The following BACH2 variants were observed in gnomAD, a reference collection of about 807,000 sequenced individuals.
The protein encoded by BACH2 is BACH transcriptional regulator 2, also known as transcription regulator protein BACH2.
BACH2 carries 5 observed loss-of-function variants against 61.8 expected under a neutral mutation model. That is an observed-to-expected ratio of 0.08 (90% CI 0.04 to 0.17). BACH2 has a LOEUF of 0.17. Ranked by LOEUF, BACH2 falls within the 10% of genes least tolerant of loss-of-function variation. The probability of loss-of-function intolerance (pLI) is 1.00; values close to 1 mark genes in which losing one functional copy is unlikely to be tolerated. For synonymous variants in BACH2, 446 were observed against 440.1 expected (o/e 1.01, Z -0.17); for missense variants, 824 against 1,091.1 (o/e 0.76, Z 3.45).
At chr6:90,172,714 T>C (rs554572143) in intron 4 of BACH2, among the ~76,000 whole-genome samples, 1 of 152,272 alleles carries the variant, frequency 6.6e-6, no homozygotes, top group South Asian at 2.1e-4. Context: ...TAAGAAAGTT[T>C]ACTTCCAAAA....
At chr6:90,120,183 T>C (rs1292199387) in intron 4 of BACH2, among the ~76,000 whole-genome samples, 1 of 152,072 alleles carries the variant, frequency 6.6e-6, no homozygotes, top group Non-Finnish European at 1.5e-5. Flanking sequence ...ACCCTAAAAA[T>C]GGGGAGAGGA....
At chr6:90,263,893 T>A (rs1771242851) in intron 2 of BACH2, among the ~76,000 whole-genome samples, 1 of 152,164 alleles carries the variant, frequency 6.6e-6, no homozygotes, top group African/African-American at 2.4e-5. Flanking sequence ...ACCACAAGTC[T>A]AAGTAGGATG....
intron 6 of BACH2, among the ~76,000 whole-genome samples, chr6:89,988,824 G>T: frequency 6.6e-6 from 1 of 152,194 alleles, no homozygotes; most frequent in East Asian, 1.9e-4. Flanking sequence ...GCAATGATGG[G>T]ACTGCCTAAC....
intron 3 of BACH2, among the ~76,000 whole-genome samples, chr6:90,235,584 G>A (rs1770234523): frequency 6.6e-6 from 1 of 152,246 alleles, no homozygotes; most frequent in African/African-American, 2.4e-5. Context: ...CTACCTGGGA[G>A]GTGGAGGCAA....
chr6:90,257,478 G>A (rs1604831), intron 2 of BACH2, among the ~76,000 whole-genome samples: 38,588 of 152,090 alleles, frequency 0.25, 5,692 homozygotes, highest in Non-Finnish European at 0.34. Context: ...ATGATGTTGT[G>A]TACCCTTTCA....
At chr6:90,231,761 T>C (rs1218457427) in intron 3 of BACH2, among the ~76,000 whole-genome samples, 1 of 152,242 alleles carries the variant, frequency 6.6e-6, no homozygotes, top group East Asian at 1.9e-4. Context: ...GTTTCAGAGA[T>C]ACAGCAAATC....
intron 4 of BACH2, among the ~76,000 whole-genome samples, chr6:90,154,146 G>T (rs1026720472): frequency 1.3e-5 from 2 of 152,170 alleles, no homozygotes; most frequent in African/African-American, 4.8e-5. Flanking sequence ...TTTTGGCTGG[G>T]AGTGAGGGAG....
chr6:90,009,912 G>C (rs1777616405), intron 5 of BACH2, among the ~76,000 whole-genome samples: 1 of 152,306 alleles, frequency 6.6e-6, no homozygotes, highest in South Asian at 2.1e-4. Flanking sequence ...TGATCCACCC[G>C]CCTCGGCCTC....
In BACH2 at chr6:90,296,842, T is replaced by A. The variant is rs1772420828; in HGVS notation, c.-808A>T. The A allele has an allele frequency of 5.9e-6, 1 of 170,484 alleles. No homozygotes were observed. The highest frequency in any genetic ancestry group is 6.5e-5 in the Admixed American group (1 of 15,412). The allele number at this position is 170,484 out of a possible 1,614,324, so 10.6% of individuals were successfully genotyped here. A position where few individuals can be genotyped will look rare whatever the true frequency, so the allele number is the denominator to read the frequency against. On this transcript the variant is annotated 5_prime_UTR_variant, in exon 1 of 9. Coordinates refer to ENST00000257749, the MANE Select transcript of BACH2 (RefSeq NM_021813.4). The stretch of plus-strand genomic sequence containing the variant: ...TGAGGCGGCGGCGGCTCGGCGCTGT[T>A]TGCTCCGCGCCGCGCGGCTTGCGCT...
chr6:90,120,001 G>A (rs1200518821), intron 4 of BACH2, among the ~76,000 whole-genome samples: 1 of 152,234 alleles, frequency 6.6e-6, no homozygotes, highest in Non-Finnish European at 1.5e-5. Context: ...AAAGACACAG[G>A]ATCAAGAGTC....
chr6:90,194,685 C>A (rs1050319455), intron 4 of BACH2, among the ~76,000 whole-genome samples: 1 of 152,192 alleles, frequency 6.6e-6, no homozygotes, highest in Non-Finnish European at 1.5e-5. Flanking sequence ...TTTTCTGCAT[C>A]CAGCAGCTTT....
chr6:90,236,702 G>A (rs1255102714), intron 3 of BACH2, among the ~76,000 whole-genome samples: 8 of 151,880 alleles, frequency 5.3e-5, no homozygotes, highest in Non-Finnish European at 8.8e-5. Context: ...AGATGAGGGA[G>A]CAAAAAAGAG....
chr6:90,174,876 A>G (rs1179513965), intron 4 of BACH2, among the ~76,000 whole-genome samples: 1 of 151,956 alleles, frequency 6.6e-6, no homozygotes, highest in Non-Finnish European at 1.5e-5. Flanking sequence ...TGGGATATAT[A>G]TATGGTAAAA....
chr6:90,098,393 T>C (rs1490418124), intron 4 of BACH2, among the ~76,000 whole-genome samples: 1 of 151,362 alleles, frequency 6.6e-6, no homozygotes, highest in Admixed American at 6.6e-5. Context: ...CAGACAGCAC[T>C]GCAGGCTGTG....
chr6:90,154,775 C>T (rs186531329), intron 4 of BACH2, among the ~76,000 whole-genome samples: 180 of 152,266 alleles, frequency 1.2e-3, no homozygotes, highest in African/African-American at 4.0e-3. Flanking sequence ...AATAGCACTG[C>T]GTTAGTCAGT....
At chr6:90,264,336 G>C (rs1369963942) in intron 2 of BACH2, among the ~76,000 whole-genome samples, 1 of 152,088 alleles carries the variant, frequency 6.6e-6, no homozygotes, top group Admixed American at 6.6e-5. Flanking sequence ...CTTTTAAATA[G>C]TTCTAAAAAA....
chr6:90,188,522 G>A (rs1015668718), intron 4 of BACH2, among the ~76,000 whole-genome samples: 2 of 150,612 alleles, frequency 1.3e-5, no homozygotes, highest in African/African-American at 2.4e-5. Flanking sequence ...AATAAAACAC[G>A]AAGAAAAAAA....
intron 4 of BACH2, among the ~76,000 whole-genome samples, chr6:90,108,474 G>C (rs1198831469): frequency 1.3e-5 from 2 of 152,154 alleles, no homozygotes; most frequent in African/African-American, 4.8e-5. Context: ...AGAGATTAGT[G>C]GACGCTGCAT....
intron 5 of BACH2, among the ~76,000 whole-genome samples, chr6:90,017,124 C>T (rs1344969196): frequency 6.6e-6 from 1 of 152,148 alleles, no homozygotes; most frequent in East Asian, 1.9e-4. Context: ...CCCCTCTTCT[C>T]CCTTGGGGAG....
Sources: gnomAD v4.1 joint callset for allele counts (sites outside exome capture counted in the v4.1 genomes callset) on GRCh38, gnomAD v4.1.1 for gene constraint, MANE v1.5 for transcripts, NCBI Gene and HGNC (gene_info 2026-07-23, HGNC 2026-07-21) for gene names.